Variants in ZNF383 observed in about 807,000 individuals in gnomAD.
ZNF383 encodes zinc finger protein 383.
A neutral mutation model predicts 44.2 loss-of-function variants in ZNF383; 32 were observed. The observed-to-expected ratio is 0.72, with a 90% CI of 0.55 to 0.97. The LOEUF (loss-of-function observed/expected upper bound fraction) is 0.97. Ranked by LOEUF, ZNF383 falls within the 50% of genes least tolerant of loss-of-function variation. The probability of loss-of-function intolerance (pLI) is 0.00; values close to 1 mark genes in which losing one functional copy is unlikely to be tolerated. For synonymous variants in ZNF383, 155 were observed against 186.2 expected (o/e 0.83, Z 1.36); for missense variants, 487 against 562.5 (o/e 0.87, Z 1.36).
chr19:37,238,295 GAT>G (rs1973919785), intron 5 of ZNF383, among the ~76,000 whole-genome samples: 1 of 150,110 alleles, frequency 6.7e-6, no homozygotes, highest in African/African-American at 2.5e-5. Flanking sequence ...AATATTATAT[GAT>G]ATATAAATAT....
chr19:37,222,980 G>A (rs1007962085), intron 1 of ZNF383, among the ~76,000 whole-genome samples: 6 of 152,174 alleles, frequency 3.9e-5, no homozygotes, highest in Admixed American at 6.5e-5. Context: ...GAGATAAAGA[G>A]GAATAGTTTA....
In ZNF383 at chr19:37,243,031, T is replaced by C. The variant is rs1182192612; in HGVS notation, c.795T>C (p.Tyr265=). The C allele has an allele frequency of 6.2e-7, 1 of 1,613,330 alleles. No homozygotes were observed. Among genetic ancestry groups the C allele is most frequent in the Non-Finnish European group, 8.5e-7 (1 of 1,179,800 alleles). The stretch of plus-strand genomic sequence containing the variant: ...AGGAATGTGGGAAGGCCTTTAGTTA[T>C]TGCTCAAATCTTATTGACCATCAGC... ...ECKECGKAFS[Y]CSNLIDHQRI... Residue 265 remains tyrosine (Y), a synonymous_variant, in exon 6 of 6, where the codon TAT becomes TAC. Coordinates refer to ENST00000684119, the MANE Select transcript of ZNF383 (RefSeq NM_001387601.1).
At chr19:37,242,343 C>T in intron 5 of ZNF383, 126 bp from the exon 6 acceptor site, 2 of 597,324 alleles carry the variant, frequency 3.3e-6, no homozygotes, top group Non-Finnish European at 5.7e-6. Flanking sequence ...ACACAGATAT[C>T]CTTGTGAACC....
At chr19:37,239,684 G>A (rs1215779405) in intron 5 of ZNF383, among the ~76,000 whole-genome samples, 1 of 152,144 alleles carries the variant, frequency 6.6e-6, no homozygotes, top group Non-Finnish European at 1.5e-5. Flanking sequence ...GGAAACCTAA[G>A]CCAAATGATA....
At chr19:37,240,196 T>C (rs570923295) in intron 5 of ZNF383, among the ~76,000 whole-genome samples, 187 of 151,778 alleles carry the variant, frequency 1.2e-3, no homozygotes, top group African/African-American at 4.5e-3. Flanking sequence ...CATATAGAGA[T>C]AGGAGGAGAA....
chr19:37,237,617 C>T (rs1973882660), intron 5 of ZNF383, among the ~76,000 whole-genome samples: 1 of 152,126 alleles, frequency 6.6e-6, no homozygotes, highest in Non-Finnish European at 1.5e-5. Context: ...AGCAGAATAC[C>T]TCACATCGAG....
chr19:37,227,095 C>A (rs1194470437), intron 2 of ZNF383, among the ~76,000 whole-genome samples: 1 of 148,142 alleles, frequency 6.8e-6, no homozygotes, highest in Non-Finnish European at 1.5e-5. Flanking sequence ...GCATGAGCCA[C>A]TGCACCCAGC....
chr19:37,227,453 G>A lies in ZNF383; in HGVS notation c.-46+2514G>A, dbSNP rs144789391. 5.3e-5 allele frequency: 8 copies of A among 152,270 alleles called. No individual in the cohort carries two copies. The East Asian group carries it at 1.4e-3, about 26-fold the overall frequency. 9.4% of individuals were successfully genotyped at this position (152,270 alleles called of 1,614,324 possible). ...TTTTTAAAAAACTTAAATCTCCCTT[G>A]TTAATATCACTATATAATTATTAGG... is the stretch of plus-strand genomic sequence containing the variant. On this transcript the variant is annotated intron_variant, in intron 2 of 5. Coordinates refer to ENST00000684119, the MANE Select transcript of ZNF383 (RefSeq NM_001387601.1).
At position 37,235,990 on chromosome 19, in the gene ZNF383, C is replaced by G. The variant is rs771896393; in HGVS notation, c.148C>G (p.Pro50Ala). 2 of 1,613,318 alleles carry G rather than the reference C, an allele frequency of 1.2e-6. No individual in the cohort carries two copies. The highest frequency in any genetic ancestry group is 2.2e-5 in the East Asian group (1 of 44,852). ...GNLVSMGLYT[P>A]KPQVISLLEQ... is the part of the protein sequence containing the mutation. The stretch of plus-strand genomic sequence containing the variant: ...TTTCTCGTGAGCAGGACTTTACACT[C>G]CTAAGCCTCAAGTGATCTCCTTATT... Residue 50 changes from proline to alanine, a missense_variant, in exon 5 of 6, where the codon CCT (proline) becomes GCT (alanine). Pro to Ala is a conservative substitution (Grantham distance 27, BLOSUM62 -1). Transcript: ENST00000684119.
At chr19:37,226,115 T>C (rs1385857787) in intron 2 of ZNF383, among the ~76,000 whole-genome samples, 1 of 152,190 alleles carries the variant, frequency 6.6e-6, no homozygotes, top group Non-Finnish European at 1.5e-5. Flanking sequence ...ATCCCTGACT[T>C]AGCATAATGT....
intron 3 of ZNF383, among the ~76,000 whole-genome samples, chr19:37,231,182 A>G (rs1264454683): frequency 1.3e-5 from 2 of 152,254 alleles, no homozygotes; most frequent in African/African-American, 2.4e-5. Flanking sequence ...AGTCTTATCC[A>G]GTAATATCTG....
At chr19:37,222,834 G>T (rs573938894) in intron 1 of ZNF383, among the ~76,000 whole-genome samples, 1 of 152,256 alleles carries the variant, frequency 6.6e-6, no homozygotes, top group African/African-American at 2.4e-5. Flanking sequence ...GAGTGAAATT[G>T]CTGGGTCATG....
At chr19:37,222,702 A>G (rs2145476058) in intron 1 of ZNF383, among the ~76,000 whole-genome samples, 1 of 152,292 alleles carries the variant, frequency 6.6e-6, no homozygotes, top group Non-Finnish European at 1.5e-5. Context: ...TTACTTATCC[A>G]TTCCATTACT....
intron 5 of ZNF383, among the ~76,000 whole-genome samples, chr19:37,241,024 C>T (rs987117180): frequency 6.6e-6 from 1 of 152,302 alleles, no homozygotes; most frequent in East Asian, 1.9e-4. Flanking sequence ...CCAGGCTGGT[C>T]TGGAGCTCCT....
chr19:37,227,879 A>G (rs1179356320), intron 2 of ZNF383: 1 of 152,202 alleles, frequency 6.6e-6, no homozygotes, highest in African/African-American at 2.4e-5. Context: ...TGTTACTGTC[A>G]AACAAAATTT....
chr19:37,221,281 A>G (rs1281921185), intron 1 of ZNF383, among the ~76,000 whole-genome samples: 1 of 152,184 alleles, frequency 6.6e-6, no homozygotes, highest in Non-Finnish European at 1.5e-5. Context: ...GTTGTTTTAA[A>G]AGTATAACAT....
In ZNF383 at chr19:37,244,844, T is replaced by C. The variant is rs539847807; in HGVS notation, c.*1180T>C. ...TTGCTTTTTTAAGAAAGTGTAATTA[T>C]GATATGCATGCTGTACCCTTAACTG... On this transcript the variant is annotated 3_prime_UTR_variant, in exon 6 of 6. Coordinates refer to ENST00000684119, the MANE Select transcript of ZNF383 (RefSeq NM_001387601.1). The C allele has an allele frequency of 6.6e-6, 1 of 152,360 alleles. No individual in the cohort carries two copies. Among genetic ancestry groups the C allele is most frequent in the African/African-American group, 2.4e-5 (1 of 41,590 alleles). The allele number at this position is 152,360 out of a possible 1,614,324, so 9.4% of individuals were successfully genotyped here.
intron 3 of ZNF383, among the ~76,000 whole-genome samples, chr19:37,232,176 A>G (rs938747309): frequency 3.9e-5 from 6 of 152,040 alleles, no homozygotes; most frequent in African/African-American, 1.4e-4. Flanking sequence ...CCCAGGTTCA[A>G]GCAATTCTCT....
rs141288090 is a variant in ZNF383 at position 37,242,576 on chromosome 19, T to C, written c.340T>C (p.Tyr114His). 5 of 1,613,868 alleles carry C rather than the reference T, an allele frequency of 3.1e-6. No homozygotes were observed. The African/African-American group carries it at 4.0e-5, about 13-fold the overall frequency. Residue 114 changes from tyrosine (Y) to histidine (H), a missense_variant, in exon 6 of 6, where the codon TAC becomes CAC. Transcript: ENST00000684119. ...GGGACTTACAAAGCATGGCCTTGAGTACTCCAGTTTTGGAGATGTTTTGGA... is the reference window on the plus strand; with the variant it reads ...GGGACTTACAAAGCATGGCCTTGAGCACTCCAGTTTTGGAGATGTTTTGGA... ...IMGLTKHGLEYSSFGDVLEYR... is the reference protein window; with the variant it reads ...IMGLTKHGLEHSSFGDVLEYR...
Sources: allele counts gnomAD v4.1 joint callset (sites outside exome capture counted in the v4.1 genomes callset), GRCh38; gene constraint gnomAD v4.1.1; transcripts MANE v1.5; gene names NCBI Gene and HGNC (gene_info 2026-07-23, HGNC 2026-07-21).